NFATC3: variants seen among roughly 807,000 people sequenced by gnomAD.
The protein encoded by NFATC3 is nuclear factor of activated T-cells, cytoplasmic 3.
In NFATC3, 46 loss-of-function variants were observed where a neutral mutation model predicts 98.6. The ratio of observed to expected loss-of-function variants is 0.47; its 90% CI spans 0.37 to 0.60. The LOEUF (loss-of-function observed/expected upper bound fraction) is 0.60, where lower values mean the gene tolerates loss of function less well. Among genes scored for constraint, NFATC3 ranks in the 20% least tolerant of loss-of-function variants. The pLI, the probability that NFATC3 is intolerant of heterozygous loss-of-function variation, is 0.00. For missense variants in NFATC3, 1,256 were observed against 1,295.5 expected, an observed-to-expected ratio of 0.97 and a Z score of 0.47; for synonymous variants, 512 against 472.2, an observed-to-expected ratio of 1.08 and a Z score of -1.09.
intron 1 of NFATC3, among the ~76,000 whole-genome samples, chr16:68,105,409 C>T (rs982009687): frequency 6.6e-6 from 1 of 152,056 alleles, no homozygotes; most frequent in African/African-American, 2.4e-5. Flanking sequence ...TTTTTCTTCA[C>T]TCTATTAATA....
chr16:68,179,155 T>G (rs2039847816), intron 6 of NFATC3, among the ~76,000 whole-genome samples: 1 of 152,194 alleles, frequency 6.6e-6, no homozygotes, highest in Non-Finnish European at 1.5e-5. Flanking sequence ...ATGTTAAGTC[T>G]CAGTTCAAGA....
intron 9 of NFATC3, among the ~76,000 whole-genome samples, chr16:68,222,414 T>C (rs2151181530): frequency 6.6e-6 from 1 of 151,842 alleles, no homozygotes; most frequent in East Asian, 1.9e-4. Context: ...TTTTAAAACT[T>C]GAACAGTGAA....
In NFATC3 at chr16:68,205,321, C is replaced by T. The variant is rs2041101118; in HGVS notation, c.3106+13546C>T. Reference sequence around the variant, plus strand: ...GGAGTGCAGTGGGACCATCATGGCTCACTGCAGCCTCGACCTCCCAGGCTC... The same window carrying T: ...GGAGTGCAGTGGGACCATCATGGCTTACTGCAGCCTCGACCTCCCAGGCTC... On this transcript the variant is annotated intron_variant, in intron 9 of 9. Transcript: ENST00000346183. 2.0e-5 allele frequency among the ~76,000 whole-genome samples: 3 copies of T among 152,090 alleles called. No individual in the cohort carries two copies. In the South Asian group the frequency reaches 6.2e-4, roughly 32 times the overall value.
At chr16:68,159,139 G>A (rs1047543114) in intron 4 of NFATC3, among the ~76,000 whole-genome samples, 1 of 152,202 alleles carries the variant, frequency 6.6e-6, no homozygotes, top group African/African-American at 2.4e-5. Context: ...GACTGAGGTA[G>A]GAGGATCACT....
At chr16:68,163,520 G>C (rs573595935) in intron 4 of NFATC3, among the ~76,000 whole-genome samples, 1 of 151,878 alleles carries the variant, frequency 6.6e-6, no homozygotes, top group African/African-American at 2.4e-5. Context: ...CCTCCCGGAC[G>C]GGGCGGCTGG....
chr16:68,092,706 C>G (rs537807042), intron 1 of NFATC3, among the ~76,000 whole-genome samples: 2 of 152,244 alleles, frequency 1.3e-5, no homozygotes, highest in African/African-American at 4.8e-5. Flanking sequence ...GTCTGGATAA[C>G]ATAAGGATAC....
At chr16:68,176,471 T>C (rs1365519444) in intron 6 of NFATC3, among the ~76,000 whole-genome samples, 2 of 152,172 alleles carry the variant, frequency 1.3e-5, no homozygotes, top group East Asian at 3.8e-4. Flanking sequence ...CTTTCACTAC[T>C]ATAAAGTTTT....
chr16:68,200,304 T>G (rs2040859835), intron 9 of NFATC3: 1 of 152,022 alleles, frequency 6.6e-6, no homozygotes, highest in African/African-American at 2.4e-5. Context: ...AAAGACTTTA[T>G]CAGTATGGCC....
At chr16:68,201,844 G>C (rs1422377420) in intron 9 of NFATC3, among the ~76,000 whole-genome samples, 1 of 117,378 alleles carries the variant, frequency 8.5e-6, no homozygotes, top group Non-Finnish European at 1.9e-5. Flanking sequence ...TGTAGTCCCA[G>C]CTACTTGGGA....
At chr16:68,176,310 A>G (rs1297834341) in intron 6 of NFATC3, among the ~76,000 whole-genome samples, 1 of 151,854 alleles carries the variant, frequency 6.6e-6, no homozygotes, top group Non-Finnish European at 1.5e-5. Context: ...AAAACTATTT[A>G]TAATTGCCAA....
intron 3 of NFATC3, among the ~76,000 whole-genome samples, chr16:68,149,288 A>C (rs900476545): frequency 2.0e-5 from 3 of 152,180 alleles, no homozygotes; most frequent in Admixed American, 6.5e-5. Context: ...TAGGTTTACT[A>C]TGCTCCCTAG....
chr16:68,208,131 G>A (rs1683576791), intron 9 of NFATC3, among the ~76,000 whole-genome samples: 2 of 151,878 alleles, frequency 1.3e-5, no homozygotes, highest in South Asian at 4.1e-4. Context: ...CACCTCCCAA[G>A]TTCAAGCGAT....
At chr16:68,225,299 A>G (rs1032122501) in intron 9 of NFATC3, 3 of 152,114 alleles carry the variant, frequency 2.0e-5, no homozygotes, top group Non-Finnish European at 4.4e-5. Flanking sequence ...GAAACTCCAT[A>G]CTCATTAGTA....
chr16:68,100,198 A>G (rs1298015674), intron 1 of NFATC3, among the ~76,000 whole-genome samples: 2 of 152,068 alleles, frequency 1.3e-5, no homozygotes, highest in Non-Finnish European at 2.9e-5. Flanking sequence ...TTGTATGTGG[A>G]TATGTGTTGT....
intron 3 of NFATC3, among the ~76,000 whole-genome samples, chr16:68,133,641 A>G (rs565618812): frequency 1.3e-5 from 2 of 152,218 alleles, no homozygotes; most frequent in South Asian, 2.1e-4. Flanking sequence ...TCTCATCATC[A>G]TATATTAGTT....
At chr16:68,091,771 G>A (rs531698203) in intron 1 of NFATC3, among the ~76,000 whole-genome samples, 2 of 152,322 alleles carry the variant, frequency 1.3e-5, no homozygotes, top group African/African-American at 4.8e-5. Context: ...AAGGTGTTGT[G>A]TAAAGCTGTC....
At chr16:68,163,771 G>A in intron 4 of NFATC3, among the ~76,000 whole-genome samples, 1 of 151,356 alleles carries the variant, frequency 6.6e-6, no homozygotes, top group Middle Eastern at 3.4e-3. Context: ...ACGGGGCGGT[G>A]GGGCAGAGGC....
At chr16:68,107,065 C>G (rs1280978153) in intron 1 of NFATC3, among the ~76,000 whole-genome samples, 1 of 151,998 alleles carries the variant, frequency 6.6e-6, no homozygotes, top group South Asian at 2.1e-4. Context: ...GCTTCCAGCT[C>G]CATCCATGAT....
intron 1 of NFATC3, among the ~76,000 whole-genome samples, chr16:68,100,002 CTT>C (rs2035254908): frequency 6.6e-6 from 1 of 152,038 alleles, no homozygotes; most frequent in Non-Finnish European, 1.5e-5. Flanking sequence ...TTGACTTTTT[CTT>C]CACTCATTGC....
Sources: gnomAD v4.1 joint callset for allele counts (sites outside exome capture counted in the v4.1 genomes callset) on GRCh38, gnomAD v4.1.1 for gene constraint, MANE v1.5 for transcripts, NCBI Gene and HGNC (gene_info 2026-07-23, HGNC 2026-07-21) for gene names.